MORC2: variants seen among roughly 807,000 people sequenced by gnomAD.
The protein encoded by MORC2 is MORC family CW-type zinc finger 2.
MORC2 carries 30 observed loss-of-function variants against 136.0 expected under a neutral mutation model. The observed-to-expected ratio is 0.22, with a 90% CI of 0.17 to 0.30. MORC2 has a LOEUF of 0.30. MORC2 is among the 10% of genes least tolerant of loss of function. The pLI, the probability that MORC2 is intolerant of heterozygous loss-of-function variation, is 1.00. For synonymous variants in MORC2, 439 were observed against 487.0 expected (o/e 0.90, Z 1.30); for missense variants, 922 against 1,333.1 (o/e 0.69, Z 4.80).
rs1463451708 is a variant in MORC2 at position 30,934,424 on chromosome 22, G to A, written c.2194-233C>T. Among the ~76,000 whole-genome samples, 1 of 152,124 alleles carries A rather than the reference G, an allele frequency of 6.6e-6. No individual in the cohort carries two copies. The highest frequency in any genetic ancestry group is 2.4e-5 in the African/African-American group (1 of 41,418). On this transcript the variant is annotated intron_variant, in intron 19 of 25. Transcript: ENST00000397641. The surrounding 1 kb of genome is among the most constrained non-coding windows in gnomAD (Gnocchi z 4.4). ...ATTCCCTTCCCACCTTAGTCTACCT[G>A]GCCAACTAGCTGTCACCTCCCCAAG...
At chr22:30,957,829 A>G (rs1196663037) in intron 2 of MORC2, among the ~76,000 whole-genome samples, 1 of 152,236 alleles carries the variant, frequency 6.6e-6, no homozygotes, top group Non-Finnish European at 1.5e-5. Flanking sequence ...AGTAATTAGA[A>G]TAAGTTTATT....
chr22:30,952,461 T>G (rs1340622978), intron 3 of MORC2, among the ~76,000 whole-genome samples: 2 of 152,172 alleles, frequency 1.3e-5, no homozygotes, highest in Non-Finnish European at 2.9e-5. Context: ...CACTTAACAG[T>G]GGGGCTGGTA....
At chr22:30,927,640 C>T (rs1255089611) in intron 25 of MORC2, among the ~76,000 whole-genome samples, 1 of 152,226 alleles carries the variant, frequency 6.6e-6, no homozygotes, top group East Asian at 1.9e-4. Flanking sequence ...ATCCACAGGA[C>T]AGGCACAGAG....
At chr22:30,949,958 T>G in intron 4 of MORC2, 116 bp from the exon 5 acceptor site, 1 of 892,908 alleles carries the variant, frequency 1.1e-6, no homozygotes, top group Non-Finnish European at 1.7e-6. Context: ...GCTGAAAACC[T>G]CTCTCCAAGG....
chr22:30,949,101 A>G (rs1006954862), intron 5 of MORC2, among the ~76,000 whole-genome samples: 2 of 152,184 alleles, frequency 1.3e-5, no homozygotes, highest in African/African-American at 4.8e-5. Context: ...ATTCCATCCA[A>G]AGGTATGTAC....
At chr22:30,931,191 AT>A (rs2040571140) in intron 24 of MORC2, among the ~76,000 whole-genome samples, 1 of 152,062 alleles carries the variant, frequency 6.6e-6, no homozygotes, top group Non-Finnish European at 1.5e-5. Context: ...TGCTACCCAA[AT>A]CACCCTCTTA....
chr22:30,928,413 G>A (rs939830205), intron 24 of MORC2, among the ~76,000 whole-genome samples: 2 of 152,192 alleles, frequency 1.3e-5, no homozygotes, highest in African/African-American at 4.8e-5. Context: ...CAAGGAAGAA[G>A]ACAATTAGCA....
intron 5 of MORC2, 91 bp from the exon 6 acceptor site, chr22:30,946,540 T>A (rs1232372453): frequency 8.5e-7 from 1 of 1,181,572 alleles, no homozygotes; most frequent in Non-Finnish European, 1.2e-6. Flanking sequence ...TGATTGAAAG[T>A]GCCACTGGAG....
At chr22:30,946,230 C>T in intron 6 of MORC2, 111 bp downstream of exon 6, 1 of 752,384 alleles carries the variant, frequency 1.3e-6, no homozygotes, top group Non-Finnish European at 2.2e-6. Context: ...GGGGAATGTG[C>T]TCCAATCCTG....
At chr22:30,962,880 A>G (rs1027959249) in intron 1 of MORC2, among the ~76,000 whole-genome samples, 1 of 152,224 alleles carries the variant, frequency 6.6e-6, no homozygotes, top group African/African-American at 2.4e-5. Flanking sequence ...AAGAATCAAA[A>G]TTATACCAAC....
At chr22:30,938,240 A>G (rs2040686719) in intron 12 of MORC2, 35 bp from the exon 13 acceptor site, 4 of 1,611,458 alleles carry the variant, frequency 2.5e-6, no homozygotes, top group African/African-American at 1.3e-5. Context: ...AGATCTACAC[A>G]TCGGCACACA....
Position 30,963,337 on chromosome 22 carries a change from G to A in MORC2, c.68+4485C>T, listed in dbSNP as rs533728275. ...GCATGTGATCCAAGAAAGGTGAACTGGAAAAAGACAAAGATTTTTTGAAAA... is the reference window on the plus strand; with the variant it reads ...GCATGTGATCCAAGAAAGGTGAACTAGAAAAAGACAAAGATTTTTTGAAAA... On this transcript the variant is annotated intron_variant, in intron 1 of 25. Transcript: ENST00000397641. 10 of 982,506 alleles carry A rather than the reference G, an allele frequency of 1.0e-5. No homozygotes were observed. The African/African-American group carries it at 1.2e-4, about 12-fold the overall frequency. The allele number at this position is 982,506 out of a possible 1,614,324, so 60.9% of individuals were successfully genotyped here. A position where few individuals can be genotyped will look rare whatever the true frequency, so the allele number is the denominator to read the frequency against.
intron 5 of MORC2, among the ~76,000 whole-genome samples, chr22:30,948,350 G>A (rs1411175684): frequency 6.6e-6 from 1 of 152,158 alleles, no homozygotes; most frequent in Non-Finnish European, 1.5e-5. Context: ...AGTTTTGGGG[G>A]ATTTAGATAA....
intron 4 of MORC2, 83 bp from the exon 5 acceptor site, chr22:30,949,925 A>T (rs2040864771): frequency 3.1e-6 from 4 of 1,287,686 alleles, no homozygotes; most frequent in Non-Finnish European, 2.2e-6. Flanking sequence ...AGCCTTGTTA[A>T]ATCCAAGCAG....
In MORC2 at chr22:30,939,664, T is replaced by C. The variant is rs2040711606; in HGVS notation, c.1030A>G (p.Arg344Gly). 2 of 1,614,192 alleles carry C rather than the reference T, an allele frequency of 1.2e-6. No individual in the cohort carries two copies. The highest frequency in any genetic ancestry group is 1.7e-6 in the Non-Finnish European group (2 of 1,180,044). ...ATCCTCTTCTTGACATCGGCTTCTC[T>C]GCGCAGAGTGATGGCTCTGTTCTGG... ...QVQNRAITLR[R>G]EADVKKRIKE... The change falls in exon 12 of 26, where the codon AGA (arginine) becomes GGA (glycine). Residue 344 changes from arginine to glycine, a missense_variant. Around this residue, in one of 9 missense-constraint regions of MORC2, gnomAD observed 261 missense variants for 354.3 expected, o/e 0.74. Coordinates refer to ENST00000397641, the MANE Select transcript of MORC2 (RefSeq NM_001303256.3).
Position 30,932,296 on chromosome 22 carries a change from A to C in MORC2, c.2841+63T>G. ...AACAATCATAATCACAACAGTTACA[A>C]CAAATGCAGGGGCAGGGGTGGGGGA... On this transcript the variant is annotated intron_variant, in intron 24 of 25. Coordinates refer to ENST00000397641, the MANE Select transcript of MORC2 (RefSeq NM_001303256.3). This position sits in a 1 kb window ranked among gnomAD's most constrained non-coding sequence, Gnocchi z 4.4. 7.3e-7 allele frequency: 1 copy of C among 1,367,086 alleles called. No homozygotes were observed. The highest frequency in any genetic ancestry group is 1.0e-6 in the Non-Finnish European group (1 of 975,694). 84.7% of individuals were successfully genotyped at this position (1,367,086 alleles called of 1,614,324 possible). A position where few individuals can be genotyped will look rare whatever the true frequency, so the allele number is the denominator to read the frequency against.
At chr22:30,933,584 C>T in intron 20 of MORC2, 64 bp from the exon 21 acceptor site, 1 of 1,544,112 alleles carries the variant, frequency 6.5e-7, no homozygotes, top group Non-Finnish European at 8.9e-7. Context: ...TTGTGCCTTA[C>T]TGGCCACCCG....
At chr22:30,953,798 C>A (rs918128657) in intron 3 of MORC2, among the ~76,000 whole-genome samples, 2 of 152,122 alleles carry the variant, frequency 1.3e-5, no homozygotes, top group Non-Finnish European at 2.9e-5. Flanking sequence ...TAATAATATG[C>A]TTTGGGTAAA....
intron 1 of MORC2, 69 bp from the exon 2 acceptor site, chr22:30,958,763 GTTATAAAATATT>G: frequency 1.5e-6 from 2 of 1,350,468 alleles, no homozygotes; most frequent in Non-Finnish European, 2.1e-6. Context: ...AAAAGCCATG[GTTATAAAATATT>G]TAAGTTTTTT....
Sources: gnomAD v4.1 joint callset for allele counts (sites outside exome capture counted in the v4.1 genomes callset) on GRCh38, gnomAD v4.1.1 for gene constraint, gnomAD v4.1.1 regional missense constraint, Gnocchi (gnomAD v3.1) non-coding constraint, MANE v1.5 for transcripts, NCBI Gene and HGNC (gene_info 2026-07-23, HGNC 2026-07-21) for gene names.